The following ITGB6 variants were observed in gnomAD, a reference collection of about 807,000 sequenced individuals.
ITGB6 encodes integrin beta-6.
ITGB6 carries 80 observed loss-of-function variants against 84.5 expected under a neutral mutation model. The ratio of observed to expected loss-of-function variants is 0.95; its 90% CI spans 0.79 to 1.14. The LOEUF (loss-of-function observed/expected upper bound fraction) is 1.14. Ranked by LOEUF, ITGB6 falls within the 50% of genes most tolerant of loss-of-function variation. The probability of loss-of-function intolerance (pLI) is 0.00; values close to 1 mark genes in which losing one functional copy is unlikely to be tolerated. For missense variants in ITGB6, 1,006 were observed against 968.0 expected, an observed-to-expected ratio of 1.04 and a Z score of -0.52; for synonymous variants, 383 against 354.9, an observed-to-expected ratio of 1.08 and a Z score of -0.89.
rs200145370 is a variant in ITGB6, at chr2:160,123,847, C to T, written c.1925G>A (p.Arg642Gln). ...TTTGCACTTGTCCACACATTCTTCT[C>T]GGGCTTGGCCAGCTGCTGACAGGTG... ...ECHLSAAGQA[R>Q]EECVDKCKLA... Residue 642 changes from arginine to glutamine, a missense_variant, in exon 12 of 15, where the codon CGA (arginine) becomes CAA (glutamine). Transcript: ENST00000283249. 24 of 1,613,898 alleles carry T rather than the reference C, an allele frequency of 1.5e-5. No individual in the cohort carries two copies. The highest frequency in any genetic ancestry group is 5.5e-5 in the South Asian group (5 of 91,070).
chr2:160,137,228 G>A (rs1683775872), intron 10 of ITGB6, among the ~76,000 whole-genome samples: 1 of 152,120 alleles, frequency 6.6e-6, no homozygotes, highest in East Asian at 1.9e-4. Context: ...ATAGACATAA[G>A]TTCAGTTGGC....
chr2:160,108,179 T>C (rs1696983861), intron 13 of ITGB6, among the ~76,000 whole-genome samples: 1 of 151,390 alleles, frequency 6.6e-6, no homozygotes, highest in Non-Finnish European at 1.5e-5. Flanking sequence ...TCACTAAACA[T>C]GGTCTCTTCT....
chr2:160,136,703 A>G (rs1469634589), intron 10 of ITGB6, among the ~76,000 whole-genome samples: 2 of 152,272 alleles, frequency 1.3e-5, no homozygotes, highest in African/African-American at 4.8e-5. Context: ...CATATACGCC[A>G]TGGAATACTA....
intron 7 of ITGB6, among the ~76,000 whole-genome samples, chr2:160,162,877 C>T (rs1279886697): frequency 3.9e-5 from 6 of 152,158 alleles, no homozygotes; most frequent in Non-Finnish European, 8.8e-5. Flanking sequence ...ACCTCGGCCC[C>T]CAAAGTGCTG....
At chr2:160,152,102 C>G (rs1684446822) in intron 7 of ITGB6, among the ~76,000 whole-genome samples, 1 of 152,162 alleles carries the variant, frequency 6.6e-6, no homozygotes, top group East Asian at 1.9e-4. Context: ...TTTTATGAGG[C>G]CAACATCATC....
At chr2:160,167,677 G>C (rs1574110763) in intron 7 of ITGB6, among the ~76,000 whole-genome samples, 1 of 152,176 alleles carries the variant, frequency 6.6e-6, no homozygotes, top group South Asian at 2.1e-4. Flanking sequence ...GCTTAAATCC[G>C]ACAGGCTCTG....
chr2:160,104,595 C>A (rs1696838694), intron 14 of ITGB6, among the ~76,000 whole-genome samples: 1 of 152,058 alleles, frequency 6.6e-6, no homozygotes, highest in Non-Finnish European at 1.5e-5. Flanking sequence ...CTGTCATGAC[C>A]CACAGCTTCC....
chr2:160,192,591 A>G (rs1686183713), intron 4 of ITGB6, among the ~76,000 whole-genome samples: 1 of 152,252 alleles, frequency 6.6e-6, no homozygotes, highest in East Asian at 1.9e-4. Context: ...ACAACACACC[A>G]ACCATAAAAT....
intron 4 of ITGB6, 51 bp from the exon 5 acceptor site, chr2:160,174,190 C>T (rs894276531): frequency 7.4e-7 from 1 of 1,351,948 alleles, no homozygotes; most frequent in East Asian, 2.3e-5. Flanking sequence ...ATGCCACACA[C>T]AATTAATGGA....
intron 4 of ITGB6, among the ~76,000 whole-genome samples, chr2:160,187,504 C>T (rs188297465): frequency 6.6e-6 from 1 of 152,168 alleles, no homozygotes; most frequent in Non-Finnish European, 1.5e-5. Context: ...CTATTATATG[C>T]TTCTTCCTTT....
intron 10 of ITGB6, among the ~76,000 whole-genome samples, chr2:160,130,174 C>T (rs895975048): frequency 2.6e-5 from 4 of 151,938 alleles, no homozygotes; most frequent in African/African-American, 4.8e-5. Flanking sequence ...TGTAACACCA[C>T]GGTGAGCATT....
intron 7 of ITGB6, among the ~76,000 whole-genome samples, chr2:160,152,880 C>T (rs1392025408): frequency 6.6e-6 from 1 of 152,048 alleles, no homozygotes; most frequent in Non-Finnish European, 1.5e-5. Flanking sequence ...ACCTAGGAAC[C>T]CAATTTACAA....
chr2:160,147,945 T>A (rs1172670017), intron 7 of ITGB6, among the ~76,000 whole-genome samples: 1 of 152,096 alleles, frequency 6.6e-6, no homozygotes, highest in African/African-American at 2.4e-5. Flanking sequence ...AAAGGCACAA[T>A]CCATGAAAGA....
At position 160,123,798 on chromosome 2, in the gene ITGB6, T is replaced by C; in HGVS notation, c.1974A>G (p.Glu658=). Residue 658 remains glutamate, a synonymous_variant, in exon 12 of 15, where the codon GAA becomes GAG. Coordinates refer to ENST00000283249, the MANE Select transcript of ITGB6 (RefSeq NM_000888.5). ...KCKLAGATIS[E]EEDFSKDGSV... ...ATTTAAGACAAGCAGAACCTTCTTCTTCACTGATGGTCGCACCAGCTAGTT... is the reference window on the plus strand; with the variant it reads ...ATTTAAGACAAGCAGAACCTTCTTCCTCACTGATGGTCGCACCAGCTAGTT... 6.2e-7 allele frequency: 1 copy of C among 1,613,176 alleles called. No individual in the cohort carries two copies. The highest frequency in any genetic ancestry group is 8.5e-7 in the Non-Finnish European group (1 of 1,179,228).
intron 4 of ITGB6, among the ~76,000 whole-genome samples, chr2:160,185,975 A>T (rs1685879631): frequency 1.3e-5 from 2 of 152,200 alleles, no homozygotes; most frequent in South Asian, 4.1e-4. Context: ...TTAACTCAAG[A>T]TGGATTAAAG....
rs188706738 is a variant in ITGB6 at position 160,147,098 on chromosome 2, A to G, written c.1018-5027T>C. On this transcript the variant is annotated intron_variant, in intron 7 of 14. Transcript: ENST00000283249. ...GACCTTGCCTCAGAAAAAAAAAAAAAAAAGAAAGAAAAGGAAAGGAAAGGA... is the reference window on the plus strand; with the variant it reads ...GACCTTGCCTCAGAAAAAAAAAAAAGAAAGAAAGAAAAGGAAAGGAAAGGA... Among the ~76,000 whole-genome samples the G allele has an allele frequency of 3.0e-4, 44 of 149,122 alleles. No individual in the cohort carries two copies. The South Asian group carries it at 3.3e-3, about 11-fold the overall frequency.
intron 12 of ITGB6, among the ~76,000 whole-genome samples, chr2:160,118,691 A>G (rs1238007823): frequency 6.6e-6 from 1 of 151,578 alleles, no homozygotes; most frequent in Non-Finnish European, 1.5e-5. Context: ...AAGGAAATAA[A>G]GGGTATTCAA....
At chr2:160,138,310 G>A (rs1683854497) in intron 8 of ITGB6, 111 bp from the exon 9 acceptor site, 5 of 1,046,258 alleles carry the variant, frequency 4.8e-6, no homozygotes, top group Non-Finnish European at 6.8e-6. Context: ...ACTAAATTGG[G>A]TGTCTAAAGA....
chr2:160,181,471 A>T (rs1685670008), intron 4 of ITGB6, among the ~76,000 whole-genome samples: 2 of 152,192 alleles, frequency 1.3e-5, no homozygotes, highest in Non-Finnish European at 2.9e-5. Flanking sequence ...TCTTTGAAAG[A>T]AAGGCAGTAG....
Sources: gnomAD v4.1 joint callset for allele counts (sites outside exome capture counted in the v4.1 genomes callset) on GRCh38, gnomAD v4.1.1 for gene constraint, MANE v1.5 for transcripts, NCBI Gene and HGNC (gene_info 2026-07-23, HGNC 2026-07-21) for gene names.